LRRC4C: variants seen among roughly 807,000 people sequenced by gnomAD.
LRRC4C encodes the protein leucine-rich repeat-containing protein 4C.
Under a neutral mutation model 33.6 loss-of-function variants are expected in LRRC4C, and 5 were observed. The observed-to-expected ratio is 0.15, with a 90% CI of 0.08 to 0.31. The LOEUF (loss-of-function observed/expected upper bound fraction) is 0.31, where lower values mean the gene tolerates loss of function less well. LRRC4C is among the 10% of genes least tolerant of loss of function. LRRC4C has a pLI of 1.00. For synonymous variants in LRRC4C, 329 were observed against 302.0 expected (o/e 1.09, Z -0.93); for missense variants, 560 against 796.7 (o/e 0.70, Z 3.58).
At chr11:40,641,992 G>T (rs1942148772) in intron 3 of LRRC4C, among the ~76,000 whole-genome samples, 1 of 150,292 alleles carries the variant, frequency 6.7e-6, no homozygotes, top group African/African-American at 2.4e-5. Context: ...TTCAAGGACA[G>T]CCATGTCAAA....
chr11:40,648,352 T>G (rs1181014555), intron 2 of LRRC4C, 74 bp from the exon 3 acceptor site: 1 of 152,274 alleles, frequency 6.6e-6, no homozygotes, highest in South Asian at 2.1e-4. Flanking sequence ...TTTTAACACC[T>G]AGAGCTCACA....
At chr11:40,813,096 A>T (rs1347583051) in intron 2 of LRRC4C, among the ~76,000 whole-genome samples, 4 of 152,186 alleles carry the variant, frequency 2.6e-5, no homozygotes, top group African/African-American at 9.6e-5. Flanking sequence ...CAGTATGTAC[A>T]GTTACAAAAT....
chr11:40,462,946 T>C (rs561861808), intron 3 of LRRC4C, among the ~76,000 whole-genome samples: 1 of 151,230 alleles, frequency 6.6e-6, no homozygotes, highest in Non-Finnish European at 1.5e-5. Flanking sequence ...GTGAGAATTC[T>C]GGAGGTCTCA....
chr11:40,178,151 T>G (rs1342308370), intron 5 of LRRC4C, among the ~76,000 whole-genome samples: 1 of 152,210 alleles, frequency 6.6e-6, no homozygotes, highest in Non-Finnish European at 1.5e-5. Context: ...TATTGCCATC[T>G]GGAGGCTGTA....
intron 3 of LRRC4C, among the ~76,000 whole-genome samples, chr11:40,481,281 G>T (rs531537894): frequency 1.4e-4 from 21 of 152,032 alleles, no homozygotes; most frequent in African/African-American, 4.8e-4. Flanking sequence ...TTGCCTCTCA[G>T]TGTGGCATTC....
chr11:40,719,096 T>C (rs1946875372), intron 2 of LRRC4C, among the ~76,000 whole-genome samples: 1 of 152,176 alleles, frequency 6.6e-6, no homozygotes, highest in Admixed American at 6.5e-5. Flanking sequence ...GCATGAATCA[T>C]TTATTTGGAC....
chr11:40,277,764 G>C (rs555150850), intron 4 of LRRC4C, among the ~76,000 whole-genome samples: 50 of 151,954 alleles, frequency 3.3e-4, no homozygotes, highest in Non-Finnish European at 1.3e-4. Context: ...ATTTGCTTGC[G>C]GATTCAATGT....
intron 2 of LRRC4C, among the ~76,000 whole-genome samples, chr11:40,908,681 T>C (rs975123552): frequency 2.0e-5 from 3 of 152,162 alleles, no homozygotes; most frequent in African/African-American, 7.2e-5. Flanking sequence ...AACTTGTTGG[T>C]CAGTGGTAAT....
At chr11:41,344,226 C>CTTTTT (rs34736782) in intron 1 of LRRC4C, among the ~76,000 whole-genome samples, 6 of 118,432 alleles carry the variant, frequency 5.1e-5, no homozygotes, top group Non-Finnish European at 1.0e-4. Flanking sequence ...TGAAGCCTTT[C>CTTTTT]TTTTTTTTTT....
intron 1 of LRRC4C, among the ~76,000 whole-genome samples, chr11:41,128,202 GGTT>G (rs1267558248): frequency 6.6e-6 from 1 of 151,980 alleles, no homozygotes; most frequent in African/African-American, 2.4e-5. Context: ...TGGGACATGA[GGTT>G]GTTATTATAG....
At chr11:41,128,604 T>C (rs1337097571) in intron 1 of LRRC4C, among the ~76,000 whole-genome samples, 1 of 152,082 alleles carries the variant, frequency 6.6e-6, no homozygotes, top group Non-Finnish European at 1.5e-5. Flanking sequence ...TACTTAAGAT[T>C]GTTTAATTCA....
chr11:40,778,452 C>T (rs1950095097), intron 2 of LRRC4C, among the ~76,000 whole-genome samples: 1 of 152,150 alleles, frequency 6.6e-6, no homozygotes, highest in African/African-American at 2.4e-5. Context: ...TCCCAAGTCA[C>T]CAATCTAGTG....
intron 1 of LRRC4C, among the ~76,000 whole-genome samples, chr11:41,013,631 T>C (rs757081606): frequency 2.2e-4 from 34 of 152,198 alleles, no homozygotes; most frequent in Non-Finnish European, 4.3e-4. Context: ...AAAAACATAT[T>C]TCTTATAGTT....
At chr11:41,412,719 A>G (rs995963225) in intron 1 of LRRC4C, among the ~76,000 whole-genome samples, 1 of 152,168 alleles carries the variant, frequency 6.6e-6, no homozygotes, top group Admixed American at 6.5e-5. Context: ...TTTAGTTTTT[A>G]GAACTCAGTC....
chr11:41,370,134 G>A (rs1272175513), intron 1 of LRRC4C, among the ~76,000 whole-genome samples: 2 of 151,964 alleles, frequency 1.3e-5, no homozygotes, highest in Non-Finnish European at 2.9e-5. Context: ...AATCTCATCT[G>A]GTATAATTTT....
intron 1 of LRRC4C, among the ~76,000 whole-genome samples, chr11:41,066,548 AT>A (rs576696085): frequency 2.7e-4 from 41 of 152,294 alleles, no homozygotes; most frequent in African/African-American, 9.9e-4. Flanking sequence ...CAACATGCAA[AT>A]TCAGGAAATA....
intron 3 of LRRC4C, among the ~76,000 whole-genome samples, chr11:40,433,228 C>T (rs553200816): frequency 1.3e-5 from 2 of 152,078 alleles, no homozygotes; most frequent in African/African-American, 2.4e-5. Flanking sequence ...ATTGTGGATA[C>T]AATCTCTCTT....
At chr11:40,851,396 C>T (rs986621066) in intron 2 of LRRC4C, among the ~76,000 whole-genome samples, 1 of 152,048 alleles carries the variant, frequency 6.6e-6, no homozygotes, top group African/African-American at 2.4e-5. Context: ...GAGGGAGTTC[C>T]CTGACCCCTT....
intron 2 of LRRC4C, among the ~76,000 whole-genome samples, chr11:40,693,219 A>T (rs1945313804): frequency 6.6e-6 from 1 of 152,134 alleles, no homozygotes; most frequent in Non-Finnish European, 1.5e-5. Flanking sequence ...TAGCATTCAT[A>T]AAGAAGTGAG....
Sources: gnomAD v4.1 joint callset for allele counts (sites outside exome capture counted in the v4.1 genomes callset) on GRCh38, gnomAD v4.1.1 for gene constraint, MANE v1.5 for transcripts, NCBI Gene and HGNC (gene_info 2026-07-23, HGNC 2026-07-21) for gene names.